TBXAS1: variants seen among roughly 807,000 people sequenced by gnomAD.
TBXAS1 encodes thromboxane-A synthase.
TBXAS1 carries 48 observed loss-of-function variants against 60.7 expected under a neutral mutation model. The observed-to-expected ratio is 0.79, with a 90% CI of 0.63 to 1.01. The LOEUF is 1.01. TBXAS1 is among the 50% of genes least tolerant of loss of function. The pLI, the probability that TBXAS1 is intolerant of heterozygous loss-of-function variation, is 0.00. For synonymous variants in TBXAS1, 287 were observed against 269.7 expected (o/e 1.06, Z -0.63); for missense variants, 685 against 686.3 (o/e 1.00, Z 0.02).
chr7:139,850,396 T>C (rs1800136620), intron 1 of TBXAS1, among the ~76,000 whole-genome samples: 1 of 152,244 alleles, frequency 6.6e-6, no homozygotes, highest in African/African-American at 2.4e-5. Flanking sequence ...AAGAAGTTTT[T>C]GAATTAGTGT....
intron 1 of TBXAS1, among the ~76,000 whole-genome samples, chr7:139,862,167 G>A (rs1477339630): frequency 6.6e-6 from 1 of 152,170 alleles, no homozygotes; most frequent in Non-Finnish European, 1.5e-5. Context: ...TTGGAAGTTG[G>A]GTAAGGAGGA....
chr7:139,843,505 G>A (rs1480622419), intron 1 of TBXAS1, among the ~76,000 whole-genome samples: 3 of 152,080 alleles, frequency 2.0e-5, no homozygotes, highest in Non-Finnish European at 2.9e-5. Context: ...ACCATACCCA[G>A]CTAATTTTTG....
At chr7:139,849,836 C>G (rs1227842321) in intron 1 of TBXAS1, among the ~76,000 whole-genome samples, 2 of 152,216 alleles carry the variant, frequency 1.3e-5, no homozygotes, top group Non-Finnish European at 2.9e-5. Context: ...AACCAGGGGA[C>G]ACTCTTGTAG....
rs41714 is a variant in TBXAS1, at chr7:139,975,270, A to T, written c.1134+13037A>T. ...CATGTTTGATTAAATAACTGCACAC[A>T]ATAGCCTAGCAAAGTTGACACAAAA... On this transcript the variant is annotated intron_variant, in intron 9 of 12. Transcript: ENST00000448866. The surrounding 1 kb of genome is among the most constrained non-coding windows in gnomAD (Gnocchi z 4.4). Among the ~76,000 whole-genome samples the T allele has an allele frequency of 0.94, 143,434 of 152,306 alleles. 67,617 individuals are homozygous for T. Among genetic ancestry groups the T allele is most frequent in the African/African-American group, 0.96 (39,982 of 41,552 alleles).
At chr7:139,940,190 C>G (rs1808174374) in intron 5 of TBXAS1, among the ~76,000 whole-genome samples, 1 of 152,148 alleles carries the variant, frequency 6.6e-6, no homozygotes, top group Admixed American at 6.5e-5. Flanking sequence ...AGGCTCTAAG[C>G]CATGGTGTAG....
At position 139,961,947 on chromosome 7, in the gene TBXAS1, T is replaced by C. The variant is rs199733937; in HGVS notation, c.848T>C (p.Leu283Pro). ...CGGAGAGACTTCCTCCAAATGGTCC[T>C]GGATGCCCGACATTCTGCAAGTCCC... ...ERRRDFLQMV[L>P]DARHSASPMG... The change falls in exon 9 of 13, where the codon CTG becomes CCG. Residue 283 changes from leucine (L) to proline (P), a missense_variant. Coordinates refer to ENST00000448866, the MANE Select transcript of TBXAS1 (RefSeq NM_001061.7). The C allele has an allele frequency of 5.9e-5, 96 of 1,614,134 alleles. No individual in the cohort carries two copies. Among genetic ancestry groups the C allele is most frequent in the Non-Finnish European group, 7.7e-5 (91 of 1,180,044 alleles).
chr7:139,870,873 G>A (rs1448356735), intron 1 of TBXAS1, among the ~76,000 whole-genome samples: 1 of 152,160 alleles, frequency 6.6e-6, no homozygotes, highest in Non-Finnish European at 1.5e-5. Flanking sequence ...AGGACCGCTT[G>A]AGGCCAGGAG....
intron 4 of TBXAS1, among the ~76,000 whole-genome samples, chr7:139,799,902 G>A (rs753553139): frequency 7.9e-5 from 12 of 152,166 alleles, no homozygotes; most frequent in Non-Finnish European, 1.3e-4. Flanking sequence ...CCTCATTACC[G>A]TTTTATCTGC....
chr7:139,919,532 G>T (rs879596859), intron 4 of TBXAS1, among the ~76,000 whole-genome samples: 3 of 152,178 alleles, frequency 2.0e-5, no homozygotes, highest in Non-Finnish European at 4.4e-5. Context: ...TCCATTTCTT[G>T]CATGTTCCAG....
intron 1 of TBXAS1, among the ~76,000 whole-genome samples, chr7:139,846,909 A>G (rs1273559481): frequency 6.6e-6 from 1 of 152,098 alleles, no homozygotes; most frequent in Admixed American, 6.5e-5. Context: ...TGAAAAGAAG[A>G]CTGTGGGCTT....
intron 4 of TBXAS1, among the ~76,000 whole-genome samples, chr7:139,931,762 T>A (rs373138333): frequency 6.6e-6 from 1 of 152,092 alleles, no homozygotes; most frequent in Non-Finnish European, 1.5e-5. Context: ...CAATTCAAGA[T>A]GAGATGTGGG....
intron 4 of TBXAS1, among the ~76,000 whole-genome samples, chr7:139,915,192 A>C (rs192293945): frequency 9.8e-5 from 15 of 152,324 alleles, no homozygotes; most frequent in African/African-American, 3.4e-4. Flanking sequence ...AACAGTCTTT[A>C]AAGTGGGATT....
chr7:139,951,159 T>TA lies in TBXAS1; in HGVS notation c.451-2202dup, dbSNP rs1398852693. On this transcript the variant is annotated intron_variant, in intron 5 of 12. Coordinates refer to ENST00000448866, the MANE Select transcript of TBXAS1 (RefSeq NM_001061.7). Reference sequence around the variant, plus strand: ...TAGTGCCTTTCTAATGAATGGTCCCTAAAAAAATCGAAATAGCAATTGTAC... The same window carrying TA: ...TAGTGCCTTTCTAATGAATGGTCCCTAAAAAAAATCGAAATAGCAATTGTAC... Among the ~76,000 whole-genome samples the TA allele has an allele frequency of 5.3e-5, 8 of 152,192 alleles. No individual in the cohort carries two copies. The East Asian group carries it at 1.5e-3, about 29-fold the overall frequency.
Position 139,780,554 on chromosome 7 carries a change from CACA to C in TBXAS1, c.-317-182_-317-180del, listed in dbSNP as rs563419744. Among the ~76,000 whole-genome samples the C allele has an allele frequency of 3.1e-3, 479 of 152,344 alleles. 1 individual carries two copies. The highest frequency in any genetic ancestry group is 0.011 in the African/African-American group (456 of 41,580). ...TTGTTGCATGCTCCCTTGTGTCCAGCACAACACTACAAACTCGATAAAAGGCAT... is the reference window on the plus strand; with the variant it reads ...TTGTTGCATGCTCCCTTGTGTCCAGCACACTACAAACTCGATAAAAGGCAT... On this transcript the variant is annotated intron_variant, in intron 1 of 16. Coordinates refer to the TBXAS1 transcript ENST00000336425.
Position 140,015,873 on chromosome 7 carries a change from C to T in TBXAS1, c.1364+13C>T. On this transcript the variant is annotated intron_variant, in intron 11 of 12. Transcript: ENST00000448866. ...TCAACCCTGAAAGGTGAGTACTGCC[C>T]CTTTTAAAAAGCTCTGAAGGGATGT... The T allele has an allele frequency of 1.2e-6, 2 of 1,613,510 alleles. No homozygotes were observed. The highest frequency in any genetic ancestry group is 2.2e-5 in the East Asian group (1 of 44,878).
intron 4 of TBXAS1, chr7:139,913,407 G>A (rs1193104905): frequency 2.1e-6 from 1 of 471,090 alleles, no homozygotes; most frequent in Non-Finnish European, 3.9e-6. Context: ...CTGGCAAGCA[G>A]TAAAGGTACT....
At chr7:139,861,115 A>C (rs1246245432) in intron 1 of TBXAS1, among the ~76,000 whole-genome samples, 1 of 151,562 alleles carries the variant, frequency 6.6e-6, no homozygotes, top group Non-Finnish European at 1.5e-5. Context: ...CGAAGGTTGC[A>C]GTGAGCTGAG....
intron 4 of TBXAS1, among the ~76,000 whole-genome samples, chr7:139,935,410 A>T (rs1045361734): frequency 1.3e-5 from 2 of 152,134 alleles, no homozygotes; most frequent in African/African-American, 4.8e-5. Flanking sequence ...ACTTGGTGGA[A>T]TTTTTTCTGA....
chr7:139,834,935 A>G (rs530757358), intron 1 of TBXAS1, among the ~76,000 whole-genome samples: 2 of 152,300 alleles, frequency 1.3e-5, no homozygotes, highest in South Asian at 2.1e-4. Context: ...TCCACAAGAC[A>G]GAGAAAGAAG....
Sources: allele counts gnomAD v4.1 joint callset (sites outside exome capture counted in the v4.1 genomes callset), GRCh38; gene constraint gnomAD v4.1.1; non-coding constraint Gnocchi (gnomAD v3.1); transcripts MANE v1.5; gene names NCBI Gene and HGNC (gene_info 2026-07-23, HGNC 2026-07-21).